The following ANKRD44 variants were observed in gnomAD, a reference collection of about 807,000 sequenced individuals.
ANKRD44 encodes ankyrin repeat domain 44.
A neutral mutation model predicts 116.0 loss-of-function variants in ANKRD44; 35 were observed. That is an observed-to-expected ratio of 0.30 (90% CI 0.23 to 0.40). ANKRD44 has a LOEUF of 0.40. Among genes scored for constraint, ANKRD44 ranks in the 10% least tolerant of loss-of-function variants. The pLI is 1.00. For synonymous variants in ANKRD44, 435 were observed against 461.8 expected, an observed-to-expected ratio of 0.94 and a Z score of 0.74; for missense variants, 1,014 against 1,242.6, an observed-to-expected ratio of 0.82 and a Z score of 2.77.
Position 197,125,884 on chromosome 2 carries a change from C to G in ANKRD44, c.415G>C (p.Gly139Arg), listed in dbSNP as rs749325331. The G allele has an allele frequency of 6.8e-6, 11 of 1,614,230 alleles. No homozygotes were observed. The highest frequency in any genetic ancestry group is 9.3e-6 in the Non-Finnish European group (11 of 1,180,050). Residue 139 changes from glycine (G) to arginine (R), a missense_variant, in exon 5 of 28, where the codon GGG (glycine) becomes CGG (arginine). Gly to Arg is a moderately radical substitution (Grantham distance 125). Coordinates refer to ENST00000282272, the MANE Select transcript of ANKRD44 (RefSeq NM_001195144.2). ...LLSSVNVSDR[G>R]GRTALHHAAL... is the part of the protein sequence containing the mutation. ...GCATGGTGCAAGGCTGTGCGCCCCC[C>G]TCGGTCGGAGACATTGACACTGCTC...
chr2:197,266,032 G>A (rs1394849457), intron 1 of ANKRD44, among the ~76,000 whole-genome samples: 1 of 151,946 alleles, frequency 6.6e-6, no homozygotes, highest in Admixed American at 6.6e-5. Flanking sequence ...CACTCTCCAA[G>A]CAGAACGTCA....
intron 1 of ANKRD44, among the ~76,000 whole-genome samples, chr2:197,233,232 A>G (rs1297044347): frequency 6.6e-6 from 1 of 152,156 alleles, no homozygotes; most frequent in Non-Finnish European, 1.5e-5. Context: ...TTGAGCAGCA[A>G]TTATGCTGCC....
chr2:197,130,019 A>G (rs527826500), intron 4 of ANKRD44, among the ~76,000 whole-genome samples: 1 of 152,358 alleles, frequency 6.6e-6, no homozygotes, highest in East Asian at 1.9e-4. Context: ...TTTGGGTAGA[A>G]TAAATACATT....
Position 196,988,964 on chromosome 2 carries a change from A to C in ANKRD44, c.*627T>G, listed in dbSNP as rs2075871766. ...CTCGCAGAAGGGCATCCAGACTGCA[A>C]TGTCTTCTAAGCTCTAAGCTGGCTA... is the stretch of plus-strand genomic sequence containing the variant. On this transcript the variant is annotated 3_prime_UTR_variant, in exon 28 of 28. Coordinates refer to ENST00000282272, the MANE Select transcript of ANKRD44 (RefSeq NM_001195144.2). 1.0e-6 allele frequency: 1 copy of C among 985,328 alleles called. No homozygotes were observed. The highest frequency in any genetic ancestry group is 1.2e-6 in the Non-Finnish European group (1 of 829,962). The allele number at this position is 985,328 out of a possible 1,614,324, so 61.0% of individuals were successfully genotyped here. A position where few individuals can be genotyped will look rare whatever the true frequency, so the allele number is the denominator to read the frequency against.
intron 9 of ANKRD44, among the ~76,000 whole-genome samples, chr2:197,110,277 T>C (rs1311416560): frequency 6.6e-6 from 1 of 152,132 alleles, no homozygotes; most frequent in African/African-American, 2.4e-5. Flanking sequence ...CACGCCCACC[T>C]AAGCCTGTGA....
intron 16 of ANKRD44, among the ~76,000 whole-genome samples, chr2:197,068,962 G>C (rs940604147): frequency 6.6e-6 from 1 of 152,134 alleles, no homozygotes; most frequent in Admixed American, 6.5e-5. Context: ...ATACCCAAAG[G>C]ATTATAAATC....
intron 8 of ANKRD44, among the ~76,000 whole-genome samples, chr2:197,116,831 C>T (rs1044570236): frequency 6.6e-6 from 1 of 152,190 alleles, no homozygotes; most frequent in African/African-American, 2.4e-5. Context: ...TTGGGCTTCT[C>T]AGACTGGCTA....
intron 2 of ANKRD44, among the ~76,000 whole-genome samples, chr2:197,174,211 A>G (rs2080310034): frequency 6.6e-6 from 1 of 152,180 alleles, no homozygotes; most frequent in South Asian, 2.1e-4. Context: ...CATAAAATTT[A>G]CCATCTTAAT....
At chr2:197,281,459 A>C (rs1462185749) in intron 1 of ANKRD44, among the ~76,000 whole-genome samples, 2 of 152,004 alleles carry the variant, frequency 1.3e-5, no homozygotes, top group African/African-American at 4.8e-5. Flanking sequence ...TCTTCTTGGC[A>C]AAATGGGAGT....
intron 15 of ANKRD44, among the ~76,000 whole-genome samples, chr2:197,080,782 A>T (rs1423892853): frequency 1.3e-5 from 2 of 152,170 alleles, no homozygotes; most frequent in African/African-American, 2.4e-5. Context: ...AGACACAGGC[A>T]TTCGGGCCAC....
At chr2:197,308,902 GAAGAC>G (rs1337761194) in intron 1 of ANKRD44, among the ~76,000 whole-genome samples, 1 of 152,182 alleles carries the variant, frequency 6.6e-6, no homozygotes, top group African/African-American at 2.4e-5. Context: ...CTGGAAGGCA[GAAGAC>G]AAGAGCTAGT....
At position 197,236,629 on chromosome 2, in the gene ANKRD44, GTTTCCA is replaced by G. The variant is rs1423255692; in HGVS notation, c.28-49529_28-49524del. ...CCTATAGATGCCTATTATAGAACTA[GTTTCCA>G]TTTTCTTTCTCCATTTAATGCAAAA... On this transcript the variant is annotated intron_variant, in intron 1 of 27. Transcript: ENST00000282272. Among the ~76,000 whole-genome samples, 7 of 146,786 alleles carry G rather than the reference GTTTCCA, an allele frequency of 4.8e-5. No homozygotes were observed. In the Admixed American group the frequency reaches 4.8e-4, roughly 10 times the overall value.
intron 10 of ANKRD44, 115 bp downstream of exon 10, chr2:197,099,695 GTATAAT>G: frequency 7.1e-7 from 1 of 1,417,966 alleles, no homozygotes; most frequent in South Asian, 1.7e-5. Flanking sequence ...TTTGTATTTA[GTATAAT>G]GGTATAGATC....
In ANKRD44 at chr2:197,029,391, T is replaced by C. The variant is rs143686929; in HGVS notation, c.1651-4124A>G. 3.2e-5 allele frequency: 9 copies of C among 280,512 alleles called. No individual in the cohort carries two copies. In the Admixed American group the frequency reaches 3.7e-4, roughly 12 times the overall value. 17.4% of individuals were successfully genotyped at this position (280,512 alleles called of 1,614,324 possible). On this transcript the variant is annotated intron_variant, in intron 16 of 27. Transcript: ENST00000282272. ...TGCAATGAATCTGCTTGCCTGCTGC[T>C]TGAAGGGCTCTTTGGAGCTCTAGGC...
intron 16 of ANKRD44, among the ~76,000 whole-genome samples, chr2:197,053,463 A>G (rs934009538): frequency 1.3e-5 from 2 of 152,166 alleles, no homozygotes; most frequent in African/African-American, 2.4e-5. Context: ...TTCTCTAATT[A>G]TAATTCACTT....
At chr2:197,213,227 C>A (rs1271127690) in intron 1 of ANKRD44, among the ~76,000 whole-genome samples, 1 of 152,206 alleles carries the variant, frequency 6.6e-6, no homozygotes, top group Non-Finnish European at 1.5e-5. Context: ...CAAGGTTAGC[C>A]TGAAGGAAGG....
Position 197,290,609 on chromosome 2 carries a change from C to G in ANKRD44, c.27+19969G>C, listed in dbSNP as rs1414718411. Reference sequence around the variant, plus strand: ...AAAAGAAAGAGCCTCATCAACAGATCAAGAAATTCATTCCAAATAAGCATG... The same window carrying G: ...AAAAGAAAGAGCCTCATCAACAGATGAAGAAATTCATTCCAAATAAGCATG... On this transcript the variant is annotated intron_variant, in intron 1 of 27. Coordinates refer to ENST00000282272, the MANE Select transcript of ANKRD44 (RefSeq NM_001195144.2). Among the ~76,000 whole-genome samples, 3 of 152,122 alleles carry G rather than the reference C, an allele frequency of 2.0e-5. No homozygotes were observed. In the East Asian group the frequency reaches 5.8e-4, roughly 29 times the overall value.
intron 26 of ANKRD44, 117 bp downstream of exon 26, chr2:196,995,262 T>A: frequency 1.7e-6 from 1 of 593,054 alleles, no homozygotes; most frequent in East Asian, 3.0e-5. Context: ...AAGCCAGGAC[T>A]GCATCTTTCA....
intron 1 of ANKRD44, among the ~76,000 whole-genome samples, chr2:197,280,450 CAG>C (rs1343896616): frequency 1.4e-5 from 2 of 145,122 alleles, no homozygotes; most frequent in East Asian, 4.1e-4. Flanking sequence ...AGAAAACGAG[CAG>C]AGTTTTTGCT....
Sources: allele counts gnomAD v4.1 joint callset (sites outside exome capture counted in the v4.1 genomes callset), GRCh38; gene constraint gnomAD v4.1.1; transcripts MANE v1.5; gene names NCBI Gene and HGNC (gene_info 2026-07-23, HGNC 2026-07-21).